SAMMSON: variants seen among roughly 807,000 people sequenced by gnomAD.
SAMMSON encodes long intergenic non-protein coding RNA 1212.
intron 2 of SAMMSON, among the ~76,000 whole-genome samples, chr3:70,395,597 C>G (rs1020728124): frequency 6.6e-6 from 1 of 152,070 alleles, no homozygotes; most frequent in Non-Finnish European, 1.5e-5. Context: ...ACTCAGAAAT[C>G]TACTTGAGGG....
chr3:70,366,797 T>C (rs1702924101), intron 9 of SAMMSON, among the ~76,000 whole-genome samples: 1 of 151,682 alleles, frequency 6.6e-6, no homozygotes, highest in Non-Finnish European at 1.5e-5. Flanking sequence ...CCATGAGTAA[T>C]ATAGTGGAGC....
rs114589322 is a variant in SAMMSON, at chr3:70,273,487, C to T, written n.675-17692C>T. Among the ~76,000 whole-genome samples, 876 of 152,238 alleles carry T rather than the reference C, an allele frequency of 5.8e-3. 6 individuals are homozygous for T. Among genetic ancestry groups the T allele is most frequent in the African/African-American group, 0.02 (828 of 41,538 alleles). Reference sequence around the variant, plus strand: ...TCAGGAGATCGTCCAGAAAAATCTTCCCTAAAACAGTAAACTCCAGATAAT... The same window carrying T: ...TCAGGAGATCGTCCAGAAAAATCTTTCCTAAAACAGTAAACTCCAGATAAT... On this transcript the variant is annotated intron_variant and non_coding_transcript_variant, in intron 6 of 9. Coordinates refer to ENST00000642114, the Ensembl canonical transcript of SAMMSON.
At chr3:70,389,590 C>T (rs957774495) in exon 10 of SAMMSON, 5 of 152,054 alleles carry the variant, frequency 3.3e-5, no homozygotes, top group Admixed American at 3.3e-4. Flanking sequence ...GTCTATTTGC[C>T]CTCCACTTGT....
rs552406071 is a variant in SAMMSON, at chr3:70,143,332, A to G, written n.507+71767A>G. Among the ~76,000 whole-genome samples, 11 of 151,442 alleles carry G rather than the reference A, an allele frequency of 7.3e-5. 1 individual carries two copies. In the South Asian group the frequency reaches 1.7e-3, roughly 23 times the overall value. On this transcript the variant is annotated intron_variant and non_coding_transcript_variant, in intron 4 of 9. Transcript: ENST00000642114. ...AAAAAAATACACGAGACTTATAACT[A>G]TTTTCTCCATAAGAAGAATCAGGGT...
chr3:70,115,205 T>C (rs1408322287), intron 4 of SAMMSON, among the ~76,000 whole-genome samples: 2 of 106,536 alleles, frequency 1.9e-5, no homozygotes, highest in South Asian at 4.4e-4. Context: ...ATTATCTCTA[T>C]TTTCCAAAAA....
At chr3:70,071,321 T>C (rs2107594623) in intron 3 of SAMMSON, among the ~76,000 whole-genome samples, 1 of 152,218 alleles carries the variant, frequency 6.6e-6, no homozygotes, top group East Asian at 1.9e-4. Context: ...GGGCTAATGA[T>C]TTAGGAATGT....
At chr3:70,415,869 C>T (rs1435962628) in intron 2 of SAMMSON, among the ~76,000 whole-genome samples, 1 of 152,096 alleles carries the variant, frequency 6.6e-6, no homozygotes, top group Non-Finnish European at 1.5e-5. Context: ...TTACAAATGA[C>T]CTTTTAAAAC....
chr3:70,018,416 C>T lies in SAMMSON; in HGVS notation n.417+4744C>T, dbSNP rs544218769. Among the ~76,000 whole-genome samples the T allele has an allele frequency of 6.6e-4, 100 of 152,134 alleles. 1 individual carries two copies. The highest frequency in any genetic ancestry group is 5.2e-3 in the Admixed American group (79 of 15,286). ...ATGGTAGTTTGTATTTCTGTGGGAT[C>T]GGTGGTGATATCCCCTGTATCATTT... On this transcript the variant is annotated intron_variant and non_coding_transcript_variant, in intron 3 of 9. Coordinates refer to ENST00000642114, the Ensembl canonical transcript of SAMMSON.
intron 4 of SAMMSON, among the ~76,000 whole-genome samples, chr3:70,188,283 C>T (rs968565426): frequency 6.6e-6 from 1 of 152,124 alleles, no homozygotes; most frequent in African/African-American, 2.4e-5. Flanking sequence ...TTCAAGTCTC[C>T]AAGACTCACT....
intron 7 of SAMMSON, among the ~76,000 whole-genome samples, chr3:70,303,851 T>A (rs1267256363): frequency 6.6e-6 from 1 of 151,960 alleles, no homozygotes; most frequent in Non-Finnish European, 1.5e-5. Context: ...CTGTGTAATT[T>A]TTTGTATTTT....
intron 6 of SAMMSON, among the ~76,000 whole-genome samples, chr3:70,290,991 C>T (rs1385468656): frequency 6.6e-6 from 1 of 152,168 alleles, no homozygotes; most frequent in East Asian, 1.9e-4. Flanking sequence ...CCCGGTACCT[C>T]AGATGGAAAT....
At chr3:70,350,408 C>T (rs751950299) in intron 7 of SAMMSON, among the ~76,000 whole-genome samples, 6 of 151,832 alleles carry the variant, frequency 4.0e-5, no homozygotes, top group Non-Finnish European at 5.9e-5. Flanking sequence ...CAGAAATTCC[C>T]CCTTTTTAAA....
intron 7 of SAMMSON, among the ~76,000 whole-genome samples, chr3:70,299,954 A>G (rs1702331332): frequency 6.6e-6 from 1 of 152,122 alleles, no homozygotes; most frequent in African/African-American, 2.4e-5. Context: ...AAACGTAGCT[A>G]TCGTTCTCTG....
intron 6 of SAMMSON, among the ~76,000 whole-genome samples, chr3:70,266,495 A>C (rs1031388584): frequency 6.6e-6 from 1 of 152,054 alleles, no homozygotes. Context: ...ATCATGGCTC[A>C]CTGCAGCCTG....
chr3:70,145,977 GAC>G (rs2067547330), intron 4 of SAMMSON, among the ~76,000 whole-genome samples: 1 of 151,760 alleles, frequency 6.6e-6, no homozygotes, highest in African/African-American at 2.4e-5. Context: ...AAAGAGAAAA[GAC>G]ACACATTCTT....
At chr3:70,188,780 A>G (rs945688840) in intron 4 of SAMMSON, among the ~76,000 whole-genome samples, 9 of 152,330 alleles carry the variant, frequency 5.9e-5, no homozygotes, top group South Asian at 2.1e-4. Flanking sequence ...ACACTTTATC[A>G]TCTAGCAACC....
intron 3 of SAMMSON, chr3:70,015,344 T>G (rs1197983936): frequency 6.6e-6 from 1 of 151,430 alleles, no homozygotes; most frequent in Non-Finnish European, 1.5e-5. Context: ...CCCTCAGCAT[T>G]TTGGGGAAAT....
chr3:70,320,674 A>G (rs1702532256), intron 7 of SAMMSON, among the ~76,000 whole-genome samples: 1 of 152,040 alleles, frequency 6.6e-6, no homozygotes, highest in Non-Finnish European at 1.5e-5. Flanking sequence ...CAGCACCACC[A>G]GGCCACCATG....
At chr3:70,402,701 A>C (rs1168210283) in intron 2 of SAMMSON, among the ~76,000 whole-genome samples, 1 of 152,068 alleles carries the variant, frequency 6.6e-6, no homozygotes, top group Non-Finnish European at 1.5e-5. Flanking sequence ...ACCTCTACTA[A>C]AAATACAAAA....
Sources: gnomAD v4.1 joint callset for allele counts (sites outside exome capture counted in the v4.1 genomes callset) on GRCh38, gnomAD v4.1.1 for gene constraint, MANE v1.5 for transcripts, NCBI Gene and HGNC (gene_info 2026-07-23, HGNC 2026-07-21) for gene names.